PTK2B: variants seen among roughly 807,000 people sequenced by gnomAD.
PTK2B encodes protein tyrosine kinase 2 beta, also known as protein-tyrosine kinase 2-beta.
A neutral mutation model predicts 142.9 loss-of-function variants in PTK2B; 71 were observed. The ratio of observed to expected loss-of-function variants is 0.50; its 90% CI spans 0.41 to 0.61. The LOEUF (loss-of-function observed/expected upper bound fraction) is 0.61. Ranked by LOEUF, PTK2B falls within the 20% of genes least tolerant of loss-of-function variation. The pLI is 0.00. For synonymous variants in PTK2B, 519 were observed against 503.4 expected, an observed-to-expected ratio of 1.03 and a Z score of -0.42; for missense variants, 1,105 against 1,320.4, an observed-to-expected ratio of 0.84 and a Z score of 2.53.
chr8:27,311,378 G>T, upstream of PTK2B: 2 of 1,106,134 alleles, frequency 1.8e-6, no homozygotes, highest in Non-Finnish European at 1.2e-6. Context: ...CTGGCCAATC[G>T]TGCGGGGGGG....
At chr8:27,310,701 A>G, upstream of PTK2B, 1 of 1,339,146 alleles carries the variant, frequency 7.5e-7, no homozygotes. Context: ...AGACGCGGGC[A>G]CACTGGGCTC....
chr8:27,358,797 A>G (rs1805530441), intron 1 of PTK2B, among the ~76,000 whole-genome samples: 1 of 152,138 alleles, frequency 6.6e-6, no homozygotes, highest in African/African-American at 2.4e-5. Flanking sequence ...TTGGTTTAGA[A>G]GTTATATATT....
At chr8:27,391,907 G>A (rs568440956) in intron 1 of PTK2B, among the ~76,000 whole-genome samples, 1 of 152,180 alleles carries the variant, frequency 6.6e-6, no homozygotes, top group Non-Finnish European at 1.5e-5. Context: ...CGAAGCCCAG[G>A]ATGGCTCAGA....
At chr8:27,390,041 G>A (rs893804504) in intron 1 of PTK2B, among the ~76,000 whole-genome samples, 2 of 152,232 alleles carry the variant, frequency 1.3e-5, no homozygotes, top group South Asian at 2.1e-4. Context: ...CAGAGGCGGA[G>A]TGGAAATAAA....
chr8:27,313,954 G>A (rs114874743), intron 3 of PTK2B, among the ~76,000 whole-genome samples: 1,920 of 152,256 alleles, frequency 0.013, 45 homozygotes, highest in African/African-American at 0.043. Context: ...TTTTAGAAAG[G>A]CAGTGTGATA....
At chr8:27,426,500 G>C (rs931527550) in intron 5 of PTK2B, among the ~76,000 whole-genome samples, 1 of 152,212 alleles carries the variant, frequency 6.6e-6, no homozygotes, top group Non-Finnish European at 1.5e-5. Flanking sequence ...CAGAAAATTG[G>C]GAAGCTACCT....
chr8:27,445,469 G>T (rs1811408518), intron 23 of PTK2B, among the ~76,000 whole-genome samples: 2 of 152,264 alleles, frequency 1.3e-5, no homozygotes, highest in Admixed American at 1.3e-4. Flanking sequence ...AACCACATCA[G>T]TCAGTCTGTA....
chr8:27,326,888 G>A (rs1030553976), intron 1 of PTK2B: 1 of 152,592 alleles, frequency 6.6e-6, no homozygotes, highest in Non-Finnish European at 1.5e-5. Context: ...GACAAGGTGA[G>A]TGTGGCATGG....
In PTK2B at chr8:27,422,399, G is replaced by T; in HGVS notation, c.551+16G>T. ...TGGAGCTCAGGTATGTGGCCCTGAGGCCTCTGCTGGGAGGGCGCTGTGCTG... is the reference window on the plus strand; with the variant it reads ...TGGAGCTCAGGTATGTGGCCCTGAGTCCTCTGCTGGGAGGGCGCTGTGCTG... On this transcript the variant is annotated intron_variant, in intron 5 of 30. Transcript: ENST00000346049. 1 of 1,600,876 alleles carries T rather than the reference G, an allele frequency of 6.2e-7. No homozygotes were observed.
chr8:27,336,658 C>A (rs1804083184), intron 1 of PTK2B, among the ~76,000 whole-genome samples: 1 of 152,170 alleles, frequency 6.6e-6, no homozygotes, highest in African/African-American at 2.4e-5. Context: ...TACTGCTTTC[C>A]CCCAACTCTC....
At chr8:27,445,058 A>G (rs1563297039) in intron 23 of PTK2B, among the ~76,000 whole-genome samples, 1 of 152,134 alleles carries the variant, frequency 6.6e-6, no homozygotes, top group African/African-American at 2.4e-5. Flanking sequence ...AAAAAAAGAG[A>G]TATACCCATG....
chr8:27,432,503 C>A, intron 10 of PTK2B, 142 bp downstream of exon 10: 1 of 703,538 alleles, frequency 1.4e-6, no homozygotes, highest in Non-Finnish European at 2.3e-6. Context: ...AAGAAAACTG[C>A]ACCAAGTTCT....
chr8:27,392,079 G>A (rs1807760149), intron 1 of PTK2B, among the ~76,000 whole-genome samples: 1 of 152,170 alleles, frequency 6.6e-6, no homozygotes, highest in South Asian at 2.1e-4. Flanking sequence ...GAGCATCAGA[G>A]GATTTTGTGA....
chr8:27,445,850 A>G lies in PTK2B; in HGVS notation c.2271A>G (p.Pro757=), dbSNP rs1259902090. 2.5e-6 allele frequency: 4 copies of G among 1,613,864 alleles called. No homozygotes were observed. The highest frequency in any genetic ancestry group is 3.4e-6 in the Non-Finnish European group (4 of 1,180,018). ...SPTLTSPMEY[P]SPVNSLHTPP... ...CGCTCACCAGCCCTATGGAGTATCC[A>G]TCTCCCGTTAACTCACTGCACACCC... The change falls in exon 24 of 31, where the codon CCA becomes CCG. Residue 757 remains proline, a synonymous_variant. Transcript: ENST00000346049.
At chr8:27,421,449 T>C (rs957328277) in intron 4 of PTK2B, among the ~76,000 whole-genome samples, 2 of 151,826 alleles carry the variant, frequency 1.3e-5, no homozygotes, top group African/African-American at 4.8e-5. Flanking sequence ...TGTGTAGTCT[T>C]TTATCACTCA....
intron 1 of PTK2B, among the ~76,000 whole-genome samples, chr8:27,354,302 T>C (rs962582910): frequency 6.6e-6 from 1 of 152,056 alleles, no homozygotes; most frequent in African/African-American, 2.4e-5. Flanking sequence ...AAGGGTGGGG[T>C]ACTGTGTTTG....
intron 1 of PTK2B, among the ~76,000 whole-genome samples, chr8:27,385,729 C>G (rs1807308078): frequency 6.6e-6 from 1 of 151,834 alleles, no homozygotes; most frequent in African/African-American, 2.4e-5. Flanking sequence ...CTCCTCTCTA[C>G]TAAAAATACA....
chr8:27,399,967 A>G (rs1808274999), intron 2 of PTK2B, among the ~76,000 whole-genome samples: 1 of 152,222 alleles, frequency 6.6e-6, no homozygotes, highest in Admixed American at 6.5e-5. Context: ...AGCAGTGCCC[A>G]TAACTGGAGG....
chr8:27,374,994 C>T (rs1038906835), intron 1 of PTK2B, among the ~76,000 whole-genome samples: 10 of 152,172 alleles, frequency 6.6e-5, no homozygotes, highest in African/African-American at 2.4e-4. Flanking sequence ...TCTCTTTGAA[C>T]AGAAGGGACC....
Sources: gnomAD v4.1 joint callset for allele counts (sites outside exome capture counted in the v4.1 genomes callset) on GRCh38, gnomAD v4.1.1 for gene constraint, MANE v1.5 for transcripts, NCBI Gene and HGNC (gene_info 2026-07-23, HGNC 2026-07-21) for gene names.